EYS: variants seen among roughly 807,000 people sequenced by gnomAD.
EYS encodes EGF-like photoreceptor maintenance factor.
In EYS, 250 loss-of-function variants were observed where a neutral mutation model predicts 282.1. The observed-to-expected ratio is 0.89, with a 90% confidence interval of 0.80 to 0.98. EYS has a LOEUF of 0.98. Among genes scored for constraint, EYS ranks in the 50% least tolerant of loss-of-function variants. The probability of loss-of-function intolerance (pLI) is 0.00; values close to 1 mark genes in which losing one functional copy is unlikely to be tolerated. For synonymous variants in EYS, 1,355 were observed against 1,282.9 expected, an observed-to-expected ratio of 1.06 and a Z score of -1.20; for missense variants, 4,016 against 3,709.0, an observed-to-expected ratio of 1.08 and a Z score of -2.15.
chr6:63,731,074 G>A (rs777812943), intron 41 of EYS, among the ~76,000 whole-genome samples: 3 of 152,016 alleles, frequency 2.0e-5, no homozygotes, highest in Non-Finnish European at 4.4e-5. Flanking sequence ...ATTATATCTC[G>A]TTTTAAACAT....
At chr6:65,179,585 G>C (rs913335205) in intron 12 of EYS, among the ~76,000 whole-genome samples, 2 of 152,096 alleles carry the variant, frequency 1.3e-5, no homozygotes, top group Non-Finnish European at 2.9e-5. Context: ...ACCAAAAAAA[G>C]TCCAGGACCA....
chr6:63,751,633 C>T (rs1388953679), intron 41 of EYS, among the ~76,000 whole-genome samples: 1 of 152,078 alleles, frequency 6.6e-6, no homozygotes, highest in African/African-American at 2.4e-5. Context: ...AGGTACACAC[C>T]TAGTTACTGT....
At chr6:64,162,277 T>C (rs910935870) in intron 31 of EYS, among the ~76,000 whole-genome samples, 1 of 152,194 alleles carries the variant, frequency 6.6e-6, no homozygotes, top group African/African-American at 2.4e-5. Flanking sequence ...CTGTGGTTAT[T>C]TGATTAATTT....
chr6:65,332,586 G>T (rs142494323), intron 11 of EYS, among the ~76,000 whole-genome samples: 7 of 151,466 alleles, frequency 4.6e-5, no homozygotes, highest in African/African-American at 1.4e-4. Flanking sequence ...TGAAAACATA[G>T]ATTTGCCTAT....
At chr6:64,884,985 T>C (rs1767043992) in intron 19 of EYS, among the ~76,000 whole-genome samples, 1 of 151,632 alleles carries the variant, frequency 6.6e-6, no homozygotes, top group African/African-American at 2.4e-5. Flanking sequence ...CTCTTTTCCT[T>C]TGACTCAAGT....
intron 2 of EYS, among the ~76,000 whole-genome samples, chr6:65,638,445 G>T (rs1767164969): frequency 6.6e-6 from 1 of 152,210 alleles, no homozygotes; most frequent in Non-Finnish European, 1.5e-5. Context: ...GGAGAGAAGA[G>T]CTGAAGAGGC....
chr6:65,236,522 C>G (rs1050173567), intron 12 of EYS, among the ~76,000 whole-genome samples: 2 of 151,980 alleles, frequency 1.3e-5, no homozygotes, highest in South Asian at 2.1e-4. Flanking sequence ...GAGGCAGAAT[C>G]TCCTGAACCT....
chr6:64,251,493 T>C (rs1767215576), intron 30 of EYS, among the ~76,000 whole-genome samples: 1 of 152,062 alleles, frequency 6.6e-6, no homozygotes, highest in South Asian at 2.1e-4. Flanking sequence ...AGAAGAAGAG[T>C]GTGACTCTAG....
intron 12 of EYS, among the ~76,000 whole-genome samples, chr6:65,294,613 T>G (rs1768612549): frequency 6.6e-6 from 1 of 151,882 alleles, no homozygotes; most frequent in African/African-American, 2.4e-5. Context: ...GATGATTCAT[T>G]GATCATGTTT....
chr6:64,106,956 A>G (rs1487474436), intron 31 of EYS, among the ~76,000 whole-genome samples: 1 of 151,612 alleles, frequency 6.6e-6, no homozygotes, highest in Non-Finnish European at 1.5e-5. Context: ...TGCCCAGTCT[A>G]CTAAGCCCAT....
intron 2 of EYS, among the ~76,000 whole-genome samples, chr6:65,578,280 C>T (rs766606785): frequency 2.1e-4 from 32 of 150,644 alleles, no homozygotes; most frequent in African/African-American, 3.2e-4. Flanking sequence ...TTTGTGACAA[C>T]GTGGATGAAC....
intron 41 of EYS, among the ~76,000 whole-genome samples, chr6:63,754,038 G>T (rs1769413851): frequency 6.6e-6 from 1 of 151,958 alleles, no homozygotes; most frequent in Admixed American, 6.6e-5. Context: ...CACTGATCTG[G>T]CAATTAAAGC....
intron 5 of EYS, among the ~76,000 whole-genome samples, chr6:65,464,613 T>C (rs76351280): frequency 1.3e-5 from 2 of 152,272 alleles, no homozygotes; most frequent in East Asian, 3.9e-4. Flanking sequence ...TTTTAATAAA[T>C]TGGAGCCCTA....
intron 36 of EYS, among the ~76,000 whole-genome samples, chr6:63,835,565 C>G (rs964136623): frequency 6.6e-6 from 1 of 151,890 alleles, no homozygotes; most frequent in African/African-American, 2.4e-5. Context: ...ATACAATGGA[C>G]TTTGGAGACT....
chr6:65,249,826 T>G (rs966680303), intron 12 of EYS, among the ~76,000 whole-genome samples: 7 of 152,018 alleles, frequency 4.6e-5, no homozygotes, highest in Non-Finnish European at 7.4e-5. Flanking sequence ...AATGTACAAC[T>G]TAAAAGCACT....
At chr6:65,265,921 G>T (rs1383492386) in intron 12 of EYS, among the ~76,000 whole-genome samples, 2 of 151,740 alleles carry the variant, frequency 1.3e-5, no homozygotes, top group African/African-American at 2.4e-5. Context: ...ATGAAATACA[G>T]AATTTGATAA....
At chr6:64,667,368 G>A (rs1391627329) in intron 22 of EYS, among the ~76,000 whole-genome samples, 1 of 151,888 alleles carries the variant, frequency 6.6e-6, no homozygotes, top group Admixed American at 6.6e-5. Flanking sequence ...CACCGTGGGT[G>A]GAGAGAGCAG....
intron 36 of EYS, among the ~76,000 whole-genome samples, chr6:63,817,055 G>A (rs543531306): frequency 3.3e-4 from 51 of 152,320 alleles, no homozygotes; most frequent in African/African-American, 1.2e-3. Flanking sequence ...ATACTGTCCT[G>A]ATATAGACTA....
chr6:65,638,592 A>T (rs1582551070), intron 2 of EYS, among the ~76,000 whole-genome samples: 1 of 152,238 alleles, frequency 6.6e-6, no homozygotes, highest in East Asian at 1.9e-4. Context: ...CCCACAGTGG[A>T]AGCTGCTTGT....
Sources: gnomAD v4.1 joint callset for allele counts (sites outside exome capture counted in the v4.1 genomes callset) on GRCh38, gnomAD v4.1.1 for gene constraint, MANE v1.5 for transcripts, NCBI Gene and HGNC (gene_info 2026-07-23, HGNC 2026-07-21) for gene names.